The following DCHS2 variants were observed in gnomAD, a reference collection of about 807,000 sequenced individuals.
The protein encoded by DCHS2 is protocadherin-23.
A neutral mutation model predicts 182.4 loss-of-function variants in DCHS2; 142 were observed. The ratio of observed to expected loss-of-function variants is 0.78; its 90% CI spans 0.68 to 0.89. DCHS2 has a LOEUF of 0.89. Ranked by LOEUF, DCHS2 falls within the 40% of genes least tolerant of loss-of-function variation. The probability of loss-of-function intolerance (pLI) is 0.00; values close to 1 mark genes in which losing one functional copy is unlikely to be tolerated. For missense variants in DCHS2, 4,319 were observed against 4,198.6 expected, an observed-to-expected ratio of 1.03 and a Z score of -0.79; for synonymous variants, 1,740 against 1,663.3, an observed-to-expected ratio of 1.05 and a Z score of -1.12.
In DCHS2 at chr4:154,489,835, T is replaced by TA; in HGVS notation, c.1520dup (p.Leu507PhefsTer25). On this transcript the variant is annotated frameshift_variant, in exon 1 of 20. Coordinates refer to ENST00000357232, the MANE Select transcript of DCHS2 (RefSeq NM_001358235.2). LOFTEE classifies it high-confidence loss of function. ...ACCCCGCGTCCGTGGCCACCAGTAG[T>TA]AACTCATACAGATCGCGGCTCTCTC... is the stretch of plus-strand genomic sequence containing the variant. 6.4e-7 allele frequency: 1 copy of TA among 1,550,422 alleles called. No homozygotes were observed. Among genetic ancestry groups the TA allele is most frequent in the Non-Finnish European group, 8.7e-7 (1 of 1,146,158 alleles).
chr4:154,349,216 CAG>C (rs1729492578), intron 3 of DCHS2, among the ~76,000 whole-genome samples: 1 of 150,132 alleles, frequency 6.7e-6, no homozygotes, highest in Non-Finnish European at 1.5e-5. Flanking sequence ...AAAACAGAAA[CAG>C]GGAACAAAAA....
chr4:154,472,194 C>T (rs111329099), intron 1 of DCHS2, among the ~76,000 whole-genome samples: 6 of 152,290 alleles, frequency 3.9e-5, no homozygotes, highest in Non-Finnish European at 7.4e-5. Flanking sequence ...TTTTAAAAGG[C>T]TGTTTTCTCT....
At chr4:154,343,151 A>T (rs1729188544) in intron 3 of DCHS2, among the ~76,000 whole-genome samples, 1 of 152,158 alleles carries the variant, frequency 6.6e-6, no homozygotes, top group South Asian at 2.1e-4. Context: ...TCTGTAAACC[A>T]GGCTGTAGAC....
chr4:154,234,883 GT>G lies in DCHS2; in HGVS notation c.9768del (p.Lys3256AsnfsTer2). The G allele has an allele frequency of 6.2e-7, 1 of 1,614,078 alleles. No individual in the cohort carries two copies. Among genetic ancestry groups the G allele is most frequent in the Non-Finnish European group, 8.5e-7 (1 of 1,179,962 alleles). On this transcript the variant is annotated frameshift_variant, in exon 20 of 20. Coordinates refer to ENST00000357232, the MANE Select transcript of DCHS2 (RefSeq NM_001358235.2). LOFTEE classifies it low-confidence loss of function (END_TRUNC). ...PLASVFNDIA[K>X]LKDEHLHMPG... Reference sequence around the variant, plus strand: ...GGCATATGCAAATGTTCATCCTTTAGTTTTGCAATATCATTAAATACTGAGG... The same window carrying G: ...GGCATATGCAAATGTTCATCCTTTAGTTTGCAATATCATTAAATACTGAGG...
chr4:154,306,946 T>G (rs1327461229), intron 10 of DCHS2, among the ~76,000 whole-genome samples: 1 of 152,146 alleles, frequency 6.6e-6, no homozygotes, highest in African/African-American at 2.4e-5. Context: ...CTTCCAGATT[T>G]TATTTTGTTC....
intron 10 of DCHS2, among the ~76,000 whole-genome samples, chr4:154,305,763 AC>A (rs1457035195): frequency 6.6e-6 from 1 of 152,140 alleles, no homozygotes; most frequent in East Asian, 1.9e-4. Context: ...GAAATGTGGT[AC>A]CACATTATTA....
intron 3 of DCHS2, among the ~76,000 whole-genome samples, chr4:154,365,938 G>T (rs548704310): frequency 6.6e-6 from 1 of 151,576 alleles, no homozygotes; most frequent in Non-Finnish European, 1.5e-5. Context: ...GTGAGCCACC[G>T]CACCCAGTCA....
At chr4:154,428,696 T>G (rs1238594172) in intron 1 of DCHS2, among the ~76,000 whole-genome samples, 1 of 151,868 alleles carries the variant, frequency 6.6e-6, no homozygotes, top group Non-Finnish European at 1.5e-5. Flanking sequence ...AGGTCAGTAG[T>G]TCAAGACCAG....
intron 3 of DCHS2, among the ~76,000 whole-genome samples, chr4:154,351,211 A>T (rs923464652): frequency 6.6e-6 from 1 of 152,220 alleles, no homozygotes; most frequent in African/African-American, 2.4e-5. Context: ...AAGTGACTCC[A>T]ATAAAGTATG....
intron 13 of DCHS2, among the ~76,000 whole-genome samples, chr4:154,288,919 C>A (rs1162137196): frequency 6.6e-6 from 1 of 151,852 alleles, no homozygotes; most frequent in Non-Finnish European, 1.5e-5. Flanking sequence ...TGGGATCCAG[C>A]AAAAGCAGTA....
At chr4:154,373,770 C>T (rs180753370) in intron 2 of DCHS2, 34 of 626,526 alleles carry the variant, frequency 5.4e-5, no homozygotes, top group Admixed American at 3.4e-4. Context: ...ACCTGCAAGA[C>T]GGGCAAGAGG....
intron 1 of DCHS2, chr4:154,486,521 C>T (rs767897632): frequency 3.8e-6 from 5 of 1,304,436 alleles, no homozygotes; most frequent in Non-Finnish European, 5.1e-6. Context: ...CAGATATAAG[C>T]TGTAAAAGAG....
chr4:154,416,905 C>T (rs949651806), intron 1 of DCHS2, among the ~76,000 whole-genome samples: 1 of 152,044 alleles, frequency 6.6e-6, no homozygotes, highest in African/African-American at 2.4e-5. Context: ...TTTTACACTC[C>T]GAGGCCAAAA....
chr4:154,360,849 G>T (rs1394884155), intron 3 of DCHS2, among the ~76,000 whole-genome samples: 1 of 152,078 alleles, frequency 6.6e-6, no homozygotes, highest in East Asian at 1.9e-4. Context: ...TTTCTGTAGT[G>T]CTAAACTTGG....
chr4:154,400,357 T>TATAAGGAC (rs1732119190), intron 1 of DCHS2, among the ~76,000 whole-genome samples: 2 of 148,850 alleles, frequency 1.3e-5, no homozygotes, highest in South Asian at 4.3e-4. Context: ...TGTTTGATGA[T>TATAAGGAC]ATAAGGACCC....
intron 1 of DCHS2, among the ~76,000 whole-genome samples, chr4:154,411,160 C>T (rs1422570279): frequency 6.6e-6 from 1 of 152,074 alleles, no homozygotes; most frequent in Non-Finnish European, 1.5e-5. Flanking sequence ...CATGATCTCA[C>T]TTATATGCAA....
chr4:154,460,422 A>G lies in DCHS2; in HGVS notation c.2052+28882T>C, dbSNP rs576767607. ...ACAAATTAGGCATCCTGACTCCACCATGTATGATCTGTTTGACCTCAGGCA... is the reference window on the plus strand; with the variant it reads ...ACAAATTAGGCATCCTGACTCCACCGTGTATGATCTGTTTGACCTCAGGCA... On this transcript the variant is annotated intron_variant, in intron 1 of 19. Transcript: ENST00000357232. Among the ~76,000 whole-genome samples the G allele has an allele frequency of 2.6e-5, 4 of 152,248 alleles. No individual in the cohort carries two copies. The South Asian group carries it at 6.2e-4, about 24-fold the overall frequency.
chr4:154,328,856 C>T (rs1438149640), intron 6 of DCHS2, among the ~76,000 whole-genome samples: 1 of 152,090 alleles, frequency 6.6e-6, no homozygotes, highest in Non-Finnish European at 1.5e-5. Flanking sequence ...TATATTTGAG[C>T]ACAATTTGAA....
Position 154,236,634 on chromosome 4 carries a change from T to G in DCHS2, c.8018A>C (p.His2673Pro), listed in dbSNP as rs1731523258. The G allele has an allele frequency of 4.3e-6, 7 of 1,614,010 alleles. No homozygotes were observed. The highest frequency in any genetic ancestry group is 5.9e-6 in the Non-Finnish European group (7 of 1,179,932). ...PNFSSLSYHT[H>P]VKESTPLGSH... is the part of the protein sequence containing the mutation. ...CCCTAGAGGGGTGCTTTCCTTGACA[T>G]GGGTGTGATAGCTCAGGCTGCTGAA... Residue 2673 changes from histidine (H) to proline (P), a missense_variant, in exon 20 of 20, where the codon CAT (histidine) becomes CCT (proline). Physicochemically the swap from His to Pro is moderately conservative, Grantham distance 77 (BLOSUM62 -2). Transcript: ENST00000357232.
Sources: gnomAD v4.1 joint callset for allele counts (sites outside exome capture counted in the v4.1 genomes callset) on GRCh38, gnomAD v4.1.1 for gene constraint, MANE v1.5 for transcripts, NCBI Gene and HGNC (gene_info 2026-07-23, HGNC 2026-07-21) for gene names.